The following ARMH4 variants were observed in gnomAD, a reference collection of about 807,000 sequenced individuals.
The protein encoded by ARMH4 is armadillo like helical domain containing 4.
In ARMH4, 49 loss-of-function variants were observed where a neutral mutation model predicts 61.9. The ratio of observed to expected loss-of-function variants is 0.79; its 90% CI spans 0.63 to 1.00. ARMH4 has a LOEUF of 1.00. ARMH4 is among the 50% of genes least tolerant of loss of function. The pLI, the probability that ARMH4 is intolerant of heterozygous loss-of-function variation, is 0.00. For synonymous variants in ARMH4, 368 were observed against 341.5 expected, an observed-to-expected ratio of 1.08 and a Z score of -0.85; for missense variants, 934 against 930.0, an observed-to-expected ratio of 1.00 and a Z score of -0.06.
At chr14:58,027,592 A>T (rs1489620080) in intron 5 of ARMH4, among the ~76,000 whole-genome samples, 1 of 152,170 alleles carries the variant, frequency 6.6e-6, no homozygotes, top group Non-Finnish European at 1.5e-5. Flanking sequence ...CATGATCACC[A>T]CAATCAAACT....
rs184694393 is a variant in ARMH4, at chr14:58,003,598, T to C, written c.*1138A>G. ...GCGCATTGGAATATCCTATTTTGTA[T>C]AGGGCAGGGAATTACATTCCAAGGG... On this transcript the variant is annotated 3_prime_UTR_variant, in exon 8 of 8. Transcript: ENST00000267485. The C allele has an allele frequency of 3.3e-5, 5 of 152,332 alleles. No individual in the cohort carries two copies. The highest frequency in any genetic ancestry group is 9.6e-5 in the African/African-American group (4 of 41,568). The allele number at this position is 152,332 out of a possible 1,614,324, so 9.4% of individuals were successfully genotyped here. A position where few individuals can be genotyped will look rare whatever the true frequency, so the allele number is the denominator to read the frequency against.
rs147408046 is a variant in ARMH4 at position 58,124,193 on chromosome 14, T to C, written c.1831+7319A>G. Among the ~76,000 whole-genome samples, 194 of 152,310 alleles carry C rather than the reference T, an allele frequency of 1.3e-3. 1 individual carries two copies. Among genetic ancestry groups the C allele is most frequent in the African/African-American group, 4.5e-3 (187 of 41,574 alleles). On this transcript the variant is annotated intron_variant, in intron 4 of 7. Transcript: ENST00000267485. ...GAAAGCCAATACCCATTTAGTAAGA[T>C]GGACACCTGAAGCAGAAGCAGCTTT...
At chr14:58,120,387 G>A (rs967663547) in intron 4 of ARMH4, among the ~76,000 whole-genome samples, 5 of 151,754 alleles carry the variant, frequency 3.3e-5, no homozygotes, top group Admixed American at 6.6e-5. Flanking sequence ...ACACACAGGG[G>A]TATACACCAA....
chr14:58,135,450 C>T (rs781461876), intron 2 of ARMH4, among the ~76,000 whole-genome samples: 3 of 151,920 alleles, frequency 2.0e-5, no homozygotes, highest in Non-Finnish European at 4.4e-5. Context: ...CTTTTGAGAA[C>T]ATATATACAA....
intron 5 of ARMH4, among the ~76,000 whole-genome samples, chr14:58,019,804 TA>T (rs1336243431): frequency 6.6e-6 from 1 of 151,822 alleles, no homozygotes; most frequent in Non-Finnish European, 1.5e-5. Context: ...AAAATAATAA[TA>T]AAATATAATT....
intron 5 of ARMH4, among the ~76,000 whole-genome samples, chr14:58,042,432 T>C (rs1227247319): frequency 6.6e-6 from 1 of 152,268 alleles, no homozygotes; most frequent in East Asian, 1.9e-4. Context: ...CCAGAATCTC[T>C]GGGACACATT....
intron 5 of ARMH4, among the ~76,000 whole-genome samples, chr14:58,062,804 T>A (rs1249205924): frequency 6.6e-6 from 1 of 152,164 alleles, no homozygotes; most frequent in East Asian, 1.9e-4. Context: ...GGCTCCATAA[T>A]TTGCAGCCCC....
Position 58,003,563 on chromosome 14 carries a change from G to A in ARMH4, c.*1173C>T, listed in dbSNP as rs1882052674. 2 of 152,152 alleles carry A rather than the reference G, an allele frequency of 1.3e-5. No individual in the cohort carries two copies. Among genetic ancestry groups the A allele is most frequent in the Non-Finnish European group, 2.9e-5 (2 of 68,022 alleles). The allele number at this position is 152,152 out of a possible 1,614,324, so 9.4% of individuals were successfully genotyped here. The stretch of plus-strand genomic sequence containing the variant: ...CTCAACTACAAATCCTCAATCCCTA[G>A]ATTCAAATAGCGCATTGGAATATCC... On this transcript the variant is annotated 3_prime_UTR_variant, in exon 8 of 8. Transcript: ENST00000267485.
At position 58,072,571 on chromosome 14, in the gene ARMH4, A is replaced by T. The variant is rs566663837; in HGVS notation, c.2089+24153T>A. Among the ~76,000 whole-genome samples, 27 of 152,134 alleles carry T rather than the reference A, an allele frequency of 1.8e-4. No homozygotes were observed. The East Asian group carries it at 5.0e-3, about 28-fold the overall frequency. ...CCATCTCTACTAACAACACAAAAAA[A>T]ATTAGCCGGGTGTGGTGGTGTGCAC... On this transcript the variant is annotated intron_variant, in intron 5 of 7. Transcript: ENST00000267485.
chr14:58,045,222 A>G (rs749152889), intron 5 of ARMH4, among the ~76,000 whole-genome samples: 1 of 152,236 alleles, frequency 6.6e-6, no homozygotes, highest in Non-Finnish European at 1.5e-5. Flanking sequence ...CAAATGTCCA[A>G]TAATGATAGA....
intron 1 of ARMH4, 77 bp from the exon 2 acceptor site, chr14:58,139,491 T>A: frequency 1.3e-6 from 1 of 789,626 alleles, no homozygotes; most frequent in Non-Finnish European, 2.0e-6. Context: ...AAACCATAAG[T>A]AAAATAATCT....
At chr14:58,082,387 A>G (rs547543636) in intron 5 of ARMH4, among the ~76,000 whole-genome samples, 1 of 152,208 alleles carries the variant, frequency 6.6e-6, no homozygotes, top group Admixed American at 6.5e-5. Context: ...GGCCAAAGAT[A>G]AATGGGCTTT....
chr14:58,135,759 A>G (rs1206676909), intron 2 of ARMH4, among the ~76,000 whole-genome samples: 1 of 152,144 alleles, frequency 6.6e-6, no homozygotes, highest in Admixed American at 6.5e-5. Context: ...ACACCAAGAA[A>G]TCATTGCATA....
chr14:58,060,698 T>C lies in ARMH4; in HGVS notation c.2089+36026A>G, dbSNP rs182759158. On this transcript the variant is annotated intron_variant, in intron 5 of 7. Transcript: ENST00000267485. ...ATTTCTAAGCATATGATTTACAAAA[T>C]ACCTCTCTGTCTGAAAAAGGTCACT... Among the ~76,000 whole-genome samples, 432 of 152,282 alleles carry C rather than the reference T, an allele frequency of 2.8e-3. 1 individual carries two copies. Among genetic ancestry groups the C allele is most frequent in the African/African-American group, 0.01 (423 of 41,550 alleles).
At chr14:58,070,346 T>G (rs1234031551) in intron 5 of ARMH4, among the ~76,000 whole-genome samples, 1 of 151,840 alleles carries the variant, frequency 6.6e-6, no homozygotes, top group Non-Finnish European at 1.5e-5. Context: ...AGAGGAAAAA[T>G]GAAGGGGTTT....
At chr14:58,127,389 C>A (rs550559689) in intron 4 of ARMH4, among the ~76,000 whole-genome samples, 2 of 152,272 alleles carry the variant, frequency 1.3e-5, no homozygotes, top group South Asian at 2.1e-4. Context: ...TTCCCCTATA[C>A]AAGCTCTCTT....
rs148728481 is a variant in ARMH4, at chr14:58,138,211, G to A, written c.1148C>T (p.Ala383Val). The stretch of plus-strand genomic sequence containing the variant: ...AGCAGGTGATCTCTCATTCCCATGC[G>A]CTATTAGCAGGGCTGTGCCCGTGTG... ...ETHTGTALLI[A>V]HGNERSPAFT... The change falls in exon 2 of 8, where the codon GCG becomes GTG. Residue 383 changes from alanine to valine, a missense_variant. Transcript: ENST00000267485. 79 of 1,614,184 alleles carry A rather than the reference G, an allele frequency of 4.9e-5. No individual in the cohort carries two copies. Among genetic ancestry groups the A allele is most frequent in the African/African-American group, 4.0e-4 (30 of 75,040 alleles).
At chr14:58,036,405 A>T (rs1883485955) in intron 5 of ARMH4, among the ~76,000 whole-genome samples, 1 of 56,816 alleles carries the variant, frequency 1.8e-5, no homozygotes, top group East Asian at 3.8e-4. Flanking sequence ...GTATTTCAAA[A>T]TAATAAGAGC....
At chr14:58,090,996 C>A (rs1885542965) in intron 5 of ARMH4, among the ~76,000 whole-genome samples, 1 of 151,764 alleles carries the variant, frequency 6.6e-6, no homozygotes, top group Non-Finnish European at 1.5e-5. Flanking sequence ...GCAGGCAGAT[C>A]ACTTGAGGTC....
Sources: gnomAD v4.1 joint callset for allele counts (sites outside exome capture counted in the v4.1 genomes callset) on GRCh38, gnomAD v4.1.1 for gene constraint, MANE v1.5 for transcripts, NCBI Gene and HGNC (gene_info 2026-07-23, HGNC 2026-07-21) for gene names.